Variants in ADGRD1 observed in about 807,000 individuals in gnomAD.
ADGRD1 encodes adhesion G protein-coupled receptor D1, also known as G-protein coupled receptor 133.
In ADGRD1, 77 loss-of-function variants were observed where a neutral mutation model predicts 113.4. The observed-to-expected ratio is 0.68, with a 90% CI of 0.57 to 0.82. ADGRD1 has a LOEUF of 0.82. Among genes scored for constraint, ADGRD1 ranks in the 40% least tolerant of loss-of-function variants. The probability of loss-of-function intolerance (pLI) is 0.00; values close to 1 mark genes in which losing one functional copy is unlikely to be tolerated. For missense variants in ADGRD1, 1,036 were observed against 1,139.1 expected (o/e 0.91, Z 1.30); for synonymous variants, 474 against 475.0 (o/e 1.00, Z 0.03).
intron 20 of ADGRD1, among the ~76,000 whole-genome samples, chr12:131,125,722 C>T (rs745482119): frequency 1.3e-5 from 2 of 152,202 alleles, no homozygotes; most frequent in Non-Finnish European, 2.9e-5. Flanking sequence ...CTGATAAACT[C>T]ATCATAAGCA....
intron 13 of ADGRD1, among the ~76,000 whole-genome samples, chr12:131,018,742 T>A (rs1878946872): frequency 6.6e-6 from 1 of 152,244 alleles, no homozygotes; most frequent in South Asian, 2.1e-4. Flanking sequence ...CCCTGGATCG[T>A]TTCTGTTAGC....
rs1198761859 is a variant in ADGRD1 at position 131,060,384 on chromosome 12, C to T, written c.1474-16417C>T. On this transcript the variant is annotated intron_variant, in intron 13 of 24. Transcript: ENST00000261654. The surrounding 1 kb of genome is among the most constrained non-coding windows in gnomAD (Gnocchi z 4.4). ...TCTGTGGTTACTGGACATATCAGAT[C>T]AAATAGCTCAGGAGGCAAATAATCC... Among the ~76,000 whole-genome samples, 1 of 152,242 alleles carries T rather than the reference C, an allele frequency of 6.6e-6. No homozygotes were observed. Among genetic ancestry groups the T allele is most frequent in the African/African-American group, 2.4e-5 (1 of 41,468 alleles).
intron 13 of ADGRD1, among the ~76,000 whole-genome samples, chr12:131,048,823 G>A (rs1404780956): frequency 6.6e-6 from 1 of 152,204 alleles, no homozygotes; most frequent in African/African-American, 2.4e-5. Flanking sequence ...GGGCTGGGCG[G>A]CAGGGCCTGC....
intron 12 of ADGRD1, among the ~76,000 whole-genome samples, chr12:131,009,661 G>T (rs1877616741): frequency 6.6e-6 from 1 of 152,162 alleles, no homozygotes; most frequent in Admixed American, 6.5e-5. Context: ...TTGTGTGTGT[G>T]CACACAGGTG....
intron 24 of ADGRD1, 53 bp from the exon 25 acceptor site, chr12:131,139,115 G>A (rs1951182597): frequency 1.1e-5 from 15 of 1,418,860 alleles, no homozygotes; most frequent in Middle Eastern, 1.8e-4. Context: ...CTGGGCTTAT[G>A]GCTCTCCCCC....
At chr12:131,111,162 G>A (rs1018615715) in intron 18 of ADGRD1, among the ~76,000 whole-genome samples, 4 of 151,562 alleles carry the variant, frequency 2.6e-5, no homozygotes, top group Non-Finnish European at 4.4e-5. Flanking sequence ...GCACCATCTC[G>A]GCTCACTGCA....
At chr12:131,081,586 C>G (rs181400901) in intron 14 of ADGRD1, among the ~76,000 whole-genome samples, 2 of 152,180 alleles carry the variant, frequency 1.3e-5, no homozygotes, top group Admixed American at 1.3e-4. Context: ...TCCTCCTGCC[C>G]GTTCTGTGTG....
At chr12:131,099,460 T>C (rs1950019072) in intron 15 of ADGRD1, among the ~76,000 whole-genome samples, 1 of 152,228 alleles carries the variant, frequency 6.6e-6, no homozygotes, top group Non-Finnish European at 1.5e-5. Flanking sequence ...AGTGAGCCAC[T>C]ATCAGGATCA....
Position 130,991,928 on chromosome 12 carries a change from C to T in ADGRD1, c.811-309C>T, listed in dbSNP as rs536547121. 2.4e-4 allele frequency among the ~76,000 whole-genome samples: 37 copies of T among 152,228 alleles called. No homozygotes were observed. In the South Asian group the frequency reaches 7.3e-3, roughly 30 times the overall value. ...TTGAGGTCCGGAGCTCGAGACCAGC[C>T]TGGCCAACACAGTGAAACCCTGTCT... On this transcript the variant is annotated intron_variant, in intron 7 of 24. Transcript: ENST00000261654.
At chr12:131,013,793 G>T (rs1020448653) in intron 12 of ADGRD1, among the ~76,000 whole-genome samples, 1 of 152,190 alleles carries the variant, frequency 6.6e-6, no homozygotes, top group Non-Finnish European at 1.5e-5. Context: ...CCTGCCCAAG[G>T]TCACACAGCT....
chr12:130,979,817 T>TCTCACACACA (rs1491498051), intron 4 of ADGRD1, among the ~76,000 whole-genome samples: 23 of 53,936 alleles, frequency 4.3e-4, no homozygotes, highest in African/African-American at 5.1e-4. Context: ...AGCTAGTGTC[T>TCTCACACACA]CACACACACA....
intron 16 of ADGRD1, 26 bp from the exon 17 acceptor site, chr12:131,105,728 G>A (rs780895936): frequency 1.3e-6 from 2 of 1,575,320 alleles, no homozygotes; most frequent in Non-Finnish European, 1.7e-6. Context: ...CAGGGCCCAG[G>A]CCTCACACCC....
chr12:131,028,630 G>T (rs993893153), intron 13 of ADGRD1, among the ~76,000 whole-genome samples: 1 of 152,176 alleles, frequency 6.6e-6, no homozygotes, highest in Non-Finnish European at 1.5e-5. Context: ...TGCAGTAGGG[G>T]TTGAGACTGA....
chr12:131,115,028 C>G (rs562618835), intron 18 of ADGRD1, among the ~76,000 whole-genome samples: 49 of 152,152 alleles, frequency 3.2e-4, no homozygotes, highest in Non-Finnish European at 6.3e-4. Flanking sequence ...AGTTCCAGGC[C>G]CCCCCTTTCT....
chr12:131,044,480 G>A (rs1566059818), intron 13 of ADGRD1, among the ~76,000 whole-genome samples: 1 of 152,200 alleles, frequency 6.6e-6, no homozygotes, highest in Non-Finnish European at 1.5e-5. Context: ...GGTCTCAGAG[G>A]ACTGGCTCTG....
At chr12:131,133,683 C>G (rs1950994998) in intron 21 of ADGRD1, among the ~76,000 whole-genome samples, 1 of 152,228 alleles carries the variant, frequency 6.6e-6, no homozygotes, top group African/African-American at 2.4e-5. Flanking sequence ...CCTTCAGCTC[C>G]TCTCCTTTGG....
Position 131,060,908 on chromosome 12 carries a change from C to T in ADGRD1, c.1474-15893C>T, listed in dbSNP as rs551668950. Among the ~76,000 whole-genome samples the T allele has an allele frequency of 1.3e-5, 2 of 152,166 alleles. No homozygotes were observed. The highest frequency in any genetic ancestry group is 3.9e-4 in the East Asian group (2 of 5,160). The stretch of plus-strand genomic sequence containing the variant: ...CTCCCAGGGGCTCAGTCCACCCCGC[C>T]CATGTTACCTGGATGGAGAACAGAG... On this transcript the variant is annotated intron_variant, in intron 13 of 24. Coordinates refer to ENST00000261654, the MANE Select transcript of ADGRD1 (RefSeq NM_198827.5). The surrounding 1 kb of genome is among the most constrained non-coding windows in gnomAD (Gnocchi z 4.4).
At chr12:131,093,742 C>T (rs1206996394) in intron 15 of ADGRD1, among the ~76,000 whole-genome samples, 2 of 152,194 alleles carry the variant, frequency 1.3e-5, no homozygotes, top group Non-Finnish European at 2.9e-5. Context: ...CTGCATGCAG[C>T]TGGGGTTAGT....
At chr12:130,957,343 A>G (rs1290690845) in intron 2 of ADGRD1, 1 of 152,420 alleles carries the variant, frequency 6.6e-6, no homozygotes, top group African/African-American at 2.4e-5. Flanking sequence ...GTCTACACAC[A>G]TCTGCACATG....
Sources: gnomAD v4.1 joint callset for allele counts (sites outside exome capture counted in the v4.1 genomes callset) on GRCh38, gnomAD v4.1.1 for gene constraint, Gnocchi (gnomAD v3.1) non-coding constraint, MANE v1.5 for transcripts, NCBI Gene and HGNC (gene_info 2026-07-23, HGNC 2026-07-21) for gene names.